Variants in ZBTB40 observed in about 807,000 individuals in gnomAD.
The protein encoded by ZBTB40 is zinc finger and BTB domain containing 40, also known as zinc finger and BTB domain-containing protein 40.
A neutral mutation model predicts 117.5 loss-of-function variants in ZBTB40; 60 were observed. The ratio of observed to expected loss-of-function variants is 0.51; its 90% CI spans 0.41 to 0.63. The LOEUF (loss-of-function observed/expected upper bound fraction) is 0.63. Among genes scored for constraint, ZBTB40 ranks in the 30% least tolerant of loss-of-function variants. The probability of loss-of-function intolerance (pLI) is 0.00; values close to 1 mark genes in which losing one functional copy is unlikely to be tolerated. For synonymous variants in ZBTB40, 525 were observed against 577.1 expected, an observed-to-expected ratio of 0.91 and a Z score of 1.29; for missense variants, 1,287 against 1,498.5, an observed-to-expected ratio of 0.86 and a Z score of 2.33.
intron 2 of ZBTB40, 48 bp downstream of exon 2, chr1:22,490,693 T>C (rs907386733): frequency 1.6e-5 from 25 of 1,597,262 alleles, no homozygotes; most frequent in Non-Finnish European, 2.1e-5. Flanking sequence ...CAATGATCTT[T>C]ATCAGTTTTA....
chr1:22,477,842 C>T (rs1641588618), intron 1 of ZBTB40, among the ~76,000 whole-genome samples: 1 of 152,184 alleles, frequency 6.6e-6, no homozygotes, highest in African/African-American at 2.4e-5. Flanking sequence ...AGCCAGCGTG[C>T]CCAGCCATCT....
chr1:22,485,242 T>G (rs1638433458), intron 1 of ZBTB40, among the ~76,000 whole-genome samples: 1 of 152,208 alleles, frequency 6.6e-6, no homozygotes, highest in Non-Finnish European at 1.5e-5. Context: ...TCTTAAATAT[T>G]GGGTGGAACT....
At position 22,501,545 on chromosome 1, in the gene ZBTB40, C is replaced by A; in HGVS notation, c.885C>A (p.Ile295=). 6.2e-7 allele frequency: 1 copy of A among 1,614,084 alleles called. No homozygotes were observed. The highest frequency in any genetic ancestry group is 2.2e-5 in the East Asian group (1 of 44,876). Reference sequence around the variant, plus strand: ...GAGGACATTCAGCATTCCAGAGAATCCTGGGTAAAGTAAGAGAGGAAAGCC... The same window carrying A: ...GAGGACATTCAGCATTCCAGAGAATACTGGGTAAAGTAAGAGAGGAAAGCC... ...GEGGHSAFQR[I]LGKVREESLD... is the part of the protein sequence containing the mutation. The change falls in exon 4 of 18, where the codon ATC becomes ATA. Residue 295 remains isoleucine (I), a synonymous_variant. Transcript: ENST00000375647.
intron 11 of ZBTB40, among the ~76,000 whole-genome samples, 156 bp downstream of exon 11, chr1:22,512,290 G>A (rs545717080): frequency 6.6e-6 from 1 of 152,306 alleles, no homozygotes; most frequent in African/African-American, 2.4e-5. Context: ...TTAAGAGCAT[G>A]GGCTTTGGAA....
At chr1:22,465,622 C>T (rs1641236206) in intron 1 of ZBTB40, among the ~76,000 whole-genome samples, 1 of 152,208 alleles carries the variant, frequency 6.6e-6, no homozygotes, top group Admixed American at 6.5e-5. Flanking sequence ...CCCAACTTTG[C>T]TCCAGATTGA....
At chr1:22,434,049 G>A (rs1333004131) in intron 1 of ZBTB40, among the ~76,000 whole-genome samples, 1 of 152,058 alleles carries the variant, frequency 6.6e-6, no homozygotes, top group Non-Finnish European at 1.5e-5. Flanking sequence ...ATCTGCATAG[G>A]GATCGTAGAG....
intron 1 of ZBTB40, among the ~76,000 whole-genome samples, chr1:22,485,146 A>T (rs1638430666): frequency 6.6e-6 from 1 of 152,090 alleles, no homozygotes; most frequent in East Asian, 1.9e-4. Flanking sequence ...GTAGAGGGTT[A>T]ATGTTGGCCT....
Position 22,506,228 on chromosome 1 carries a change from G to A in ZBTB40, c.1347G>A (p.Leu449=). The A allele has an allele frequency of 6.2e-7, 1 of 1,614,138 alleles. No homozygotes were observed. The change falls in exon 6 of 18, where the codon TTG becomes TTA. Residue 449 remains leucine (L), a synonymous_variant. Coordinates refer to ENST00000375647, the MANE Select transcript of ZBTB40 (RefSeq NM_014870.4). ...LLEKLQKSAT[L]PSTTVQPSPD... ...AGAAGTTGCAGAAATCAGCCACTTT[G>A]CCAAGCACCACAGGTATTAGTAAAT...
chr1:22,489,683 A>G (rs1235059036), intron 1 of ZBTB40, among the ~76,000 whole-genome samples, 197 bp from the exon 2 acceptor site: 1 of 152,232 alleles, frequency 6.6e-6, no homozygotes, highest in African/African-American at 2.4e-5. Flanking sequence ...CATTATGCAC[A>G]GTCTCTTTCA....
chr1:22,431,362 T>TTGTGTGTGTGTG (rs1179435023), intron 1 of ZBTB40, among the ~76,000 whole-genome samples: 2 of 112,860 alleles, frequency 1.8e-5, no homozygotes, highest in African/African-American at 8.3e-5. Context: ...CATATATATT[T>TTGTGTGTGTGTG]TGTGTGTGTG....
intron 14 of ZBTB40, among the ~76,000 whole-genome samples, chr1:22,520,720 A>C (rs1487539678): frequency 2.0e-5 from 3 of 152,218 alleles, no homozygotes; most frequent in Non-Finnish European, 2.9e-5. Context: ...TTGATATGTA[A>C]TTAAAGTGAA....
intron 10 of ZBTB40, 151 bp downstream of exon 10, chr1:22,511,498 A>G (rs921042480): frequency 7.7e-7 from 1 of 1,299,594 alleles, no homozygotes; most frequent in Non-Finnish European, 1.1e-6. Flanking sequence ...GTCATGAGAC[A>G]TAGGGGGAAA....
chr1:22,522,354 G>T (rs528411543), intron 15 of ZBTB40, 23 bp from the exon 16 acceptor site: 2 of 1,613,072 alleles, frequency 1.2e-6, no homozygotes, highest in African/African-American at 1.3e-5. Flanking sequence ...TTCCCAGCAC[G>T]TCTTTCTTTA....
At chr1:22,444,182 G>A (rs1254654856) in intron 1 of ZBTB40, among the ~76,000 whole-genome samples, 1 of 152,160 alleles carries the variant, frequency 6.6e-6, no homozygotes, top group Non-Finnish European at 1.5e-5. Context: ...GGAGGCCACG[G>A]CAAGTGGATC....
chr1:22,459,451 T>G (rs1283819790), intron 1 of ZBTB40, among the ~76,000 whole-genome samples: 1 of 152,242 alleles, frequency 6.6e-6, no homozygotes, highest in Non-Finnish European at 1.5e-5. Flanking sequence ...TCAACAGTAC[T>G]TATTAAAAAC....
At chr1:22,486,717 TTTTTGTTTTG>T (rs199723095) in intron 1 of ZBTB40, among the ~76,000 whole-genome samples, 76 of 14,786 alleles carry the variant, frequency 5.1e-3, no homozygotes, top group African/African-American at 0.044. Flanking sequence ...TCATACATTT[TTTTTGTTTTG>T]TTTTGTTTTG....
intron 1 of ZBTB40, among the ~76,000 whole-genome samples, chr1:22,477,795 G>A (rs1052445101): frequency 6.6e-6 from 1 of 151,944 alleles, no homozygotes; most frequent in Non-Finnish European, 1.5e-5. Context: ...TGATCCTCCC[G>A]CCTCGGCCTC....
chr1:22,515,577 A>G (rs1455665058), intron 12 of ZBTB40, among the ~76,000 whole-genome samples: 1 of 152,110 alleles, frequency 6.6e-6, no homozygotes, highest in Non-Finnish European at 1.5e-5. Context: ...TCTTGGCCAC[A>G]TCACCCCAAC....
rs1443719257 is a variant in ZBTB40, at chr1:22,530,023, A to G, written c.*3627A>G. ...GGTCACCACAAGCTGAAGACAGGCT[A>G]ATGGGGTGGCGGGTGTGTGTTTAAA... On this transcript the variant is annotated 3_prime_UTR_variant, in exon 18 of 18. Coordinates refer to ENST00000375647, the MANE Select transcript of ZBTB40 (RefSeq NM_014870.4). 2 of 151,436 alleles carry G rather than the reference A, an allele frequency of 1.3e-5. No individual in the cohort carries two copies. Among genetic ancestry groups the G allele is most frequent in the East Asian group, 3.9e-4 (2 of 5,140 alleles). The allele number at this position is 151,436 out of a possible 1,614,324, so 9.4% of individuals were successfully genotyped here. A position where few individuals can be genotyped will look rare whatever the true frequency, so the allele number is the denominator to read the frequency against.
Sources: allele counts gnomAD v4.1 joint callset (sites outside exome capture counted in the v4.1 genomes callset), GRCh38; gene constraint gnomAD v4.1.1; transcripts MANE v1.5; gene names NCBI Gene and HGNC (gene_info 2026-07-23, HGNC 2026-07-21).